Variants in TAOK2 observed in about 807,000 individuals in gnomAD.
TAOK2 encodes TAO kinase 2, also known as serine/threonine-protein kinase TAO2.
Under a neutral mutation model 122.5 loss-of-function variants are expected in TAOK2, and 42 were observed. The observed-to-expected ratio is 0.34, with a 90% CI of 0.27 to 0.44. The LOEUF is 0.44. Ranked by LOEUF, TAOK2 falls within the 20% of genes least tolerant of loss-of-function variation. The pLI is 1.00. For synonymous variants in TAOK2, 704 were observed against 677.6 expected (o/e 1.04, Z -0.61); for missense variants, 1,264 against 1,644.9 (o/e 0.77, Z 4.01).
chr16:29,984,826 G>T (rs1027696591), intron 13 of TAOK2, among the ~76,000 whole-genome samples: 2 of 152,172 alleles, frequency 1.3e-5, no homozygotes, highest in South Asian at 2.1e-4. Context: ...CTATGAGGAG[G>T]TATTATTTCC....
Position 29,986,856 on chromosome 16 carries a change from G to A in TAOK2, c.2584G>A (p.Val862Ile). ...CCTTGTACCCCAGGAGAGGAGCATTGTTGGCCAGGAGGAGGCTGGGACATG... is the reference window on the plus strand; with the variant it reads ...CCTTGTACCCCAGGAGAGGAGCATTATTGGCCAGGAGGAGGCTGGGACATG... Reference protein sequence around the residue: ...PSLVPQERSIVGQEEAGTWSL... With the variant: ...PSLVPQERSIIGQEEAGTWSL... The change falls in exon 16 of 16, where the codon GTT becomes ATT. Residue 862 changes from valine (V) to isoleucine (I), a missense_variant. By Grantham distance (29) the Val-to-Ile change is conservative (BLOSUM62 3). Coordinates refer to ENST00000308893, the MANE Select transcript of TAOK2 (RefSeq NM_016151.4). The surrounding 1 kb of genome is among the most constrained non-coding windows in gnomAD (Gnocchi z 4.2). The A allele has an allele frequency of 6.2e-7, 1 of 1,614,066 alleles. No individual in the cohort carries two copies. Among genetic ancestry groups the A allele is most frequent in the South Asian group, 1.1e-5 (1 of 91,086 alleles).
At chr16:29,991,858 A>C, downstream of TAOK2, 1 of 340,760 alleles carries the variant, frequency 2.9e-6, no homozygotes, top group African/African-American at 2.1e-5. This position sits in a 1 kb window ranked among gnomAD's most constrained non-coding sequence, Gnocchi z 5.6. Context: ...ATATTCATCT[A>C]GTCCCCTGGG....
intron 13 of TAOK2, among the ~76,000 whole-genome samples, chr16:29,984,060 C>T (rs550390209): frequency 5.9e-5 from 9 of 152,126 alleles, no homozygotes; most frequent in East Asian, 5.8e-4. Context: ...AGCCCTGTGC[C>T]GGGGGTGCCC....
Position 29,977,879 on chromosome 16 carries a change from A to G in TAOK2, c.107A>G (p.His36Arg), listed in dbSNP as rs767764424. Residue 36 changes from histidine to arginine, a missense_variant, in exon 2 of 16, where the codon CAT becomes CGT. Physicochemically the swap from His to Arg is conservative, Grantham distance 29. Around this residue, in one of 4 missense-constraint regions of TAOK2, gnomAD observed 254 missense variants for 503.8 expected, o/e 0.50. Coordinates refer to ENST00000308893, the MANE Select transcript of TAOK2 (RefSeq NM_016151.4). Reference protein sequence around the residue: ...KLFSDLREIGHGSFGAVYFAR... With the variant: ...KLFSDLREIGRGSFGAVYFAR... ...TTCTCTGACCTCCGGGAAATTGGCC[A>G]TGGCAGCTTTGGAGCCGTATACTTT... The G allele has an allele frequency of 6.2e-7, 1 of 1,614,158 alleles. No individual in the cohort carries two copies. Among genetic ancestry groups the G allele is most frequent in the Admixed American group, 1.7e-5 (1 of 60,030 alleles).
intron 1 of TAOK2, among the ~76,000 whole-genome samples, chr16:29,977,128 A>G (rs761624773): frequency 6.6e-6 from 1 of 152,202 alleles, no homozygotes. Flanking sequence ...AGAGGCCCTC[A>G]TAGCCAGATG....
At position 29,988,052 on chromosome 16, in the gene TAOK2, C is replaced by G; in HGVS notation, c.*72C>G. 2.0e-6 allele frequency: 3 copies of G among 1,465,972 alleles called. No homozygotes were observed. The highest frequency in any genetic ancestry group is 2.7e-6 in the Non-Finnish European group (3 of 1,115,654). 90.8% of individuals were successfully genotyped at this position (1,465,972 alleles called of 1,614,324 possible). On this transcript the variant is annotated 3_prime_UTR_variant, in exon 16 of 16. Coordinates refer to ENST00000308893, the MANE Select transcript of TAOK2 (RefSeq NM_016151.4). The stretch of plus-strand genomic sequence containing the variant: ...TCTCCCACGACTCAGTGAAGTTTCT[C>G]CAGTCCCTAGTCCTCTCTTTTCACC...
intron 11 of TAOK2, 34 bp downstream of exon 11, chr16:29,982,935 C>A (rs1233408327): frequency 6.2e-7 from 1 of 1,610,806 alleles, no homozygotes; most frequent in Admixed American, 1.7e-5. Flanking sequence ...CCTCTTTATA[C>A]CCCATGTGTG....
downstream of TAOK2, chr16:29,989,317 C>T (rs1484100065): frequency 1.0e-6 from 1 of 984,780 alleles, no homozygotes; most frequent in East Asian, 1.1e-4. Flanking sequence ...CTTGGAACCT[C>T]TTGTCTTCTC....
rs2069552346 is a variant in TAOK2 at position 29,979,414 on chromosome 16, T to G, written c.564-3T>G. 1.9e-6 allele frequency: 3 copies of G among 1,593,146 alleles called. No homozygotes were observed. Among genetic ancestry groups the G allele is most frequent in the Non-Finnish European group, 2.6e-6 (3 of 1,167,462 alleles). ...TGCCTCTCTCTCCTGACCATTCTCCTAGGATGGCACCCGAGGTGATCCTGG... is the reference window on the plus strand; with the variant it reads ...TGCCTCTCTCTCCTGACCATTCTCCGAGGATGGCACCCGAGGTGATCCTGG... On this transcript the variant is annotated splice_region_variant and splice_polypyrimidine_tract_variant and intron_variant, in intron 7 of 15. Transcript: ENST00000308893. This position sits in a 1 kb window ranked among gnomAD's most constrained non-coding sequence, Gnocchi z 4.1.
In TAOK2 at chr16:29,979,743, T is replaced by C. The variant is rs1349951963; in HGVS notation, c.655+235T>C. On this transcript the variant is annotated intron_variant, in intron 8 of 15. Coordinates refer to ENST00000308893, the MANE Select transcript of TAOK2 (RefSeq NM_016151.4). This position sits in a 1 kb window ranked among gnomAD's most constrained non-coding sequence, Gnocchi z 4.1. Reference sequence around the variant, plus strand: ...CACTACCCTGGTTCTGAATCTTTTCTTAGTGCCCACCATGTGCTGTGCCAT... The same window carrying C: ...CACTACCCTGGTTCTGAATCTTTTCCTAGTGCCCACCATGTGCTGTGCCAT... Among the ~76,000 whole-genome samples the C allele has an allele frequency of 6.6e-6, 1 of 152,200 alleles. No individual in the cohort carries two copies. The highest frequency in any genetic ancestry group is 1.5e-5 in the Non-Finnish European group (1 of 68,040).
At position 29,986,495 on chromosome 16, in the gene TAOK2, G is replaced by A. The variant is rs768697685; in HGVS notation, c.2223G>A (p.Lys741=). 5.0e-6 allele frequency: 8 copies of A among 1,608,446 alleles called. No homozygotes were observed. The highest frequency in any genetic ancestry group is 1.1e-5 in the South Asian group (1 of 90,534). ...CGGCCCAGGTTCGCCAGCAGCCCAAGAGCCTCAAAGTACGTGCAGGCCAGC... is the reference window on the plus strand; with the variant it reads ...CGGCCCAGGTTCGCCAGCAGCCCAAAAGCCTCAAAGTACGTGCAGGCCAGC... The part of the protein sequence containing the change: ...KHAAQVRQQP[K]SLKVRAGQRP... The change falls in exon 16 of 16, where the codon AAG becomes AAA. Residue 741 remains lysine (K), a synonymous_variant. Transcript: ENST00000308893. This position sits in a 1 kb window ranked among gnomAD's most constrained non-coding sequence, Gnocchi z 4.2.
Position 29,987,708 on chromosome 16 carries a change from C to T in TAOK2, c.3436C>T (p.Leu1146=), listed in dbSNP as rs2069854588. ...NPRTTQHPLA[L]LARVWVLCKG... is the part of the protein sequence containing the mutation. Reference sequence around the variant, plus strand: ...CCGCACCACCCAACACCCATTAGCTCTGTTGGCAAGGGTCTGGGTCCTGTG... The same window carrying T: ...CCGCACCACCCAACACCCATTAGCTTTGTTGGCAAGGGTCTGGGTCCTGTG... The change falls in exon 16 of 16, where the codon CTG becomes TTG. Residue 1146 remains leucine, a synonymous_variant. Transcript: ENST00000308893. 2 of 1,614,108 alleles carry T rather than the reference C, an allele frequency of 1.2e-6. No homozygotes were observed. Among genetic ancestry groups the T allele is most frequent in the Non-Finnish European group, 1.7e-6 (2 of 1,179,966 alleles).
At position 29,983,530 on chromosome 16, in the gene TAOK2, T is replaced by C; in HGVS notation, c.1288T>C (p.Tyr430His). The C allele has an allele frequency of 1.2e-6, 2 of 1,613,322 alleles. No homozygotes were observed. Among genetic ancestry groups the C allele is most frequent in the Non-Finnish European group, 1.7e-6 (2 of 1,179,640 alleles). ...PGSDNLYDDP[Y>H]QPEITPSPLQ... is the part of the protein sequence containing the mutation. ...CTCTGACAACCTATATGATGACCCC[T>C]ACCAGCCAGAGATAACCCCCAGCCC... The change falls in exon 13 of 16, where the codon TAC becomes CAC. Residue 430 changes from tyrosine (Y) to histidine (H), a missense_variant. Coordinates refer to ENST00000308893, the MANE Select transcript of TAOK2 (RefSeq NM_016151.4).
Position 29,987,008 on chromosome 16 carries a change from G to A in TAOK2, c.2736G>A (p.Gly912=). The A allele has an allele frequency of 6.2e-7, 1 of 1,612,834 alleles. No individual in the cohort carries two copies. Among genetic ancestry groups the A allele is most frequent in the Non-Finnish European group, 8.5e-7 (1 of 1,179,242 alleles). Residue 912 remains glycine (G), a synonymous_variant, in exon 16 of 16, where the codon GGG becomes GGA. Coordinates refer to ENST00000308893, the MANE Select transcript of TAOK2 (RefSeq NM_016151.4). ...EEEEEEGAPI[G]TPRDPGDGCP... is the part of the protein sequence containing the mutation. ...AAGAGGAAGAGGGGGCTCCGATTGG[G>A]ACCCCTAGGGATCCTGGAGATGGTT...
rs756769478 is a variant in TAOK2 at position 29,981,667 on chromosome 16, G to A, written c.662G>A (p.Arg221Gln). 6.2e-7 allele frequency: 1 copy of A among 1,614,096 alleles called. No individual in the cohort carries two copies. The highest frequency in any genetic ancestry group is 8.5e-7 in the Non-Finnish European group (1 of 1,180,020). The change falls in exon 9 of 16, where the codon CGG becomes CAG. Residue 221 changes from arginine to glutamine, a missense_variant. Around this residue, in one of 4 missense-constraint regions of TAOK2, gnomAD observed 254 missense variants for 503.8 expected, o/e 0.50. Coordinates refer to ENST00000308893, the MANE Select transcript of TAOK2 (RefSeq NM_016151.4). ...LGITCIELAE[R>Q]KPPLFNMNAM... ...CTTTCACCTTTTTCTGTAGCTGAAC[G>A]GAAACCACCGCTCTTTAACATGAAT...
rs776858760 is a variant in TAOK2 at position 29,978,865 on chromosome 16, T to C, written c.352+21T>C. Reference sequence around the variant, plus strand: ...AGAAGGTAAGTGACTGATAGGCCAATAAGTGGAGAAGGGAGAAGAGCAGGG... The same window carrying C: ...AGAAGGTAAGTGACTGATAGGCCAACAAGTGGAGAAGGGAGAAGAGCAGGG... On this transcript the variant is annotated intron_variant, in intron 5 of 15. Coordinates refer to ENST00000308893, the MANE Select transcript of TAOK2 (RefSeq NM_016151.4). The C allele has an allele frequency of 5.0e-6, 8 of 1,613,916 alleles. No individual in the cohort carries two copies. In the African/African-American group the frequency reaches 9.3e-5, roughly 19 times the overall value.
At chr16:29,991,782 C>T, downstream of TAOK2, 1 of 496,006 alleles carries the variant, frequency 2.0e-6, no homozygotes, top group Non-Finnish European at 3.3e-6. This position sits in a 1 kb window ranked among gnomAD's most constrained non-coding sequence, Gnocchi z 5.6. Context: ...GGGAGCCCCG[C>T]CTCCCTACCA....
chr16:29,981,622 G>A, intron 8 of TAOK2, 39 bp from the exon 9 acceptor site: 3 of 1,595,484 alleles, frequency 1.9e-6, no homozygotes, highest in Non-Finnish European at 2.6e-6. Context: ...TCTACCCCCT[G>A]CCACCTCTCA....
Position 29,987,672 on chromosome 16 carries a change from C to A in TAOK2, c.3400C>A (p.Arg1134=). Reference sequence around the variant, plus strand: ...CCGCCTGCCCGTCCCTGGGCCCCGGCGGCGTAATCCCCGCACCACCCAACA... The same window carrying A: ...CCGCCTGCCCGTCCCTGGGCCCCGGAGGCGTAATCCCCGCACCACCCAACA... ...RSRLPVPGPR[R]RNPRTTQHPL... The change falls in exon 16 of 16, where the codon CGG becomes AGG. Residue 1134 remains arginine (R), a synonymous_variant. Transcript: ENST00000308893. 1 of 1,613,866 alleles carries A rather than the reference C, an allele frequency of 6.2e-7. No homozygotes were observed. The highest frequency in any genetic ancestry group is 8.5e-7 in the Non-Finnish European group (1 of 1,179,840).
Sources: gnomAD v4.1 joint callset for allele counts (sites outside exome capture counted in the v4.1 genomes callset) on GRCh38, gnomAD v4.1.1 for gene constraint, gnomAD v4.1.1 regional missense constraint, Gnocchi (gnomAD v3.1) non-coding constraint, MANE v1.5 for transcripts, NCBI Gene and HGNC (gene_info 2026-07-23, HGNC 2026-07-21) for gene names.